GPC3: variants seen among roughly 807,000 people sequenced by gnomAD.
The protein encoded by GPC3 is glypican-3.
Under a neutral mutation model 34.4 loss-of-function variants are expected in GPC3, and 3 were observed. The ratio of observed to expected loss-of-function variants is 0.09; its 90% CI spans 0.04 to 0.23. The LOEUF is 0.23. Ranked by LOEUF, GPC3 falls within the 10% of genes least tolerant of loss-of-function variation. The pLI is 1.00. For synonymous variants in GPC3, 177 were observed against 174.0 expected (o/e 1.02, Z -0.13); for missense variants, 351 against 445.6 (o/e 0.79, Z 1.91).
intron 6 of GPC3, among the ~76,000 whole-genome samples, chrX:133,652,203 A>T (rs2070611388): frequency 8.9e-6 from 1 of 112,324 alleles, no homozygotes; most frequent in South Asian, 3.7e-4. Context: ...TGATGCTTCA[A>T]AGTTTAATAA....
intron 2 of GPC3, among the ~76,000 whole-genome samples, chrX:133,917,654 AT>A (rs905841004): frequency 8.9e-6 from 1 of 112,027 alleles, no homozygotes; most frequent in African/African-American, 3.2e-5. Flanking sequence ...TATGACTGTC[AT>A]TGGTTTTTCA....
chrX:133,595,374 G>A (rs1263377804), intron 7 of GPC3, among the ~76,000 whole-genome samples: 1 of 111,045 alleles, frequency 9.0e-6, no homozygotes, highest in African/African-American at 3.3e-5. Context: ...TCTGAGCCCT[G>A]GTTTTAATTA....
chrX:133,826,043 TG>T (rs1247342112), intron 2 of GPC3, among the ~76,000 whole-genome samples: 2 of 111,337 alleles, frequency 1.8e-5, no homozygotes, highest in African/African-American at 6.5e-5. Flanking sequence ...CAACAAACAC[TG>T]GGGAAGGGAA....
At chrX:133,697,389 A>C in intron 4 of GPC3, among the ~76,000 whole-genome samples, 1 of 111,310 alleles carries the variant, frequency 9.0e-6, no homozygotes, top group Non-Finnish European at 1.9e-5. Flanking sequence ...ACTTGCCCAT[A>C]CTTTTTCTCA....
At chrX:133,626,325 T>TA (rs1373938265) in intron 6 of GPC3, among the ~76,000 whole-genome samples, 1 of 111,413 alleles carries the variant, frequency 9.0e-6, no homozygotes, top group Non-Finnish European at 1.9e-5. Context: ...GGGATGTAAT[T>TA]AAACTAAAGA....
At chrX:133,751,877 T>TTTTTTGTTTTTG (rs376121606) in intron 3 of GPC3, among the ~76,000 whole-genome samples, 4 of 111,430 alleles carry the variant, frequency 3.6e-5, no homozygotes, top group Admixed American at 9.5e-5. Flanking sequence ...CTCTCTTGTT[T>TTTTTTGTTTTTG]TTTTTGTTTT....
At chrX:133,782,055 G>T (rs1222864292) in intron 2 of GPC3, among the ~76,000 whole-genome samples, 1 of 111,534 alleles carries the variant, frequency 9.0e-6, no homozygotes, top group African/African-American at 3.3e-5. Flanking sequence ...TCATCAGAGA[G>T]CCCATTCCCA....
chrX:133,921,498 G>C (rs2076247473), intron 2 of GPC3, among the ~76,000 whole-genome samples: 2 of 112,463 alleles, frequency 1.8e-5, no homozygotes, highest in South Asian at 7.3e-4. Context: ...ATTTCAAAGT[G>C]GTGCAGACAG....
chrX:133,623,804 C>T (rs892994762), intron 6 of GPC3, among the ~76,000 whole-genome samples: 5 of 111,641 alleles, frequency 4.5e-5, no homozygotes, highest in African/African-American at 9.8e-5. Flanking sequence ...CTGCACCAAG[C>T]GGACCTAATA....
chrX:133,972,164 A>C (rs987446915), intron 1 of GPC3, among the ~76,000 whole-genome samples: 1 of 112,445 alleles, frequency 8.9e-6, no homozygotes, highest in African/African-American at 3.2e-5. Context: ...GAAATGACTT[A>C]GGTTTTAGAA....
intron 2 of GPC3, among the ~76,000 whole-genome samples, chrX:133,758,133 CAG>C (rs1245617469): frequency 9.0e-6 from 1 of 111,629 alleles, no homozygotes; most frequent in Non-Finnish European, 1.9e-5. Flanking sequence ...TTGTGGACGA[CAG>C]TGTGGTGATT....
chrX:133,789,345 T>G (rs1051528315), intron 2 of GPC3, among the ~76,000 whole-genome samples: 2 of 111,710 alleles, frequency 1.8e-5, no homozygotes, highest in African/African-American at 6.5e-5. Context: ...TGGCATCAAG[T>G]CTTTGTAATG....
At chrX:133,864,899 T>C (rs1467582448) in intron 2 of GPC3, among the ~76,000 whole-genome samples, 1 of 112,689 alleles carries the variant, frequency 8.9e-6, no homozygotes, top group Non-Finnish European at 1.9e-5. Flanking sequence ...TATGGAAACA[T>C]ACCTAGTGTT....
At chrX:133,751,353 T>C (rs2071666817) in intron 3 of GPC3, among the ~76,000 whole-genome samples, 1 of 111,986 alleles carries the variant, frequency 8.9e-6, no homozygotes, top group Non-Finnish European at 1.9e-5. Context: ...TTACTTTTTC[T>C]AGTTTTGTAA....
intron 2 of GPC3, among the ~76,000 whole-genome samples, chrX:133,837,301 G>T (rs1032987263): frequency 1.8e-5 from 2 of 111,135 alleles, no homozygotes; most frequent in Non-Finnish European, 3.8e-5. Flanking sequence ...TGTGTCTCCT[G>T]CCAGCAACAA....
At chrX:133,904,367 G>A (rs144348294) in intron 2 of GPC3, among the ~76,000 whole-genome samples, 1,207 of 111,396 alleles carry the variant, frequency 0.011, 9 homozygotes, top group Non-Finnish European at 0.016. Context: ...TCAGAGCCCC[G>A]CAAACAAATT....
At chrX:133,684,228 C>T (rs962543202) in intron 5 of GPC3, among the ~76,000 whole-genome samples, 1 of 111,883 alleles carries the variant, frequency 8.9e-6, no homozygotes, top group Non-Finnish European at 1.9e-5. Flanking sequence ...CCTGGGAAAA[C>T]TAAAGTAGAA....
chrX:133,675,948 C>T (rs967863797), intron 5 of GPC3, among the ~76,000 whole-genome samples: 2 of 112,536 alleles, frequency 1.8e-5, no homozygotes, highest in Non-Finnish European at 3.7e-5. Flanking sequence ...CTGGACTTCA[C>T]GAACCAGCAT....
At chrX:133,544,628 C>G (rs1249442077) in intron 7 of GPC3, among the ~76,000 whole-genome samples, 4 of 111,977 alleles carry the variant, frequency 3.6e-5, no homozygotes, top group Non-Finnish European at 7.5e-5. Flanking sequence ...TGGACTCAAG[C>G]AATCCTGCCA....
Sources: gnomAD v4.1 joint callset for allele counts (sites outside exome capture counted in the v4.1 genomes callset) on GRCh38, gnomAD v4.1.1 for gene constraint, MANE v1.5 for transcripts, NCBI Gene and HGNC (gene_info 2026-07-23, HGNC 2026-07-21) for gene names.